PPFIBP2: variants seen among roughly 807,000 people sequenced by gnomAD.
PPFIBP2 encodes the protein PPFIB scaffold protein 2.
PPFIBP2 carries 118 observed loss-of-function variants against 118.3 expected under a neutral mutation model. The ratio of observed to expected loss-of-function variants is 1.00; its 90% CI spans 0.86 to 1.16. The LOEUF is 1.16. Among genes scored for constraint, PPFIBP2 ranks in the 50% most tolerant of loss-of-function variants. The pLI is 0.00. For synonymous variants in PPFIBP2, 414 were observed against 397.4 expected (o/e 1.04, Z -0.50); for missense variants, 1,195 against 1,073.1 (o/e 1.11, Z -1.59).
At chr11:7,540,003 T>C (rs1054571041) in intron 1 of PPFIBP2, among the ~76,000 whole-genome samples, 3 of 100,338 alleles carry the variant, frequency 3.0e-5, no homozygotes, top group African/African-American at 4.7e-5. Context: ...ATGAGGTTCA[T>C]TAATGTTAAA....
At chr11:7,559,764 G>T (rs535782337) in intron 2 of PPFIBP2, among the ~76,000 whole-genome samples, 18 of 152,094 alleles carry the variant, frequency 1.2e-4, no homozygotes, top group African/African-American at 4.3e-4. Flanking sequence ...TTCACTGGAG[G>T]CATTAAAACC....
At chr11:7,666,029 G>A in the PPFIBP2 span, 21 of 897,912 alleles carry the variant, frequency 2.3e-5, no homozygotes, top group African/African-American at 2.9e-4. Context: ...TGCTGTCTGG[G>A]CTGCAGCAGC....
At chr11:7,631,748 G>T (rs1231582142) in intron 11 of PPFIBP2, among the ~76,000 whole-genome samples, 1 of 152,152 alleles carries the variant, frequency 6.6e-6, no homozygotes, top group Non-Finnish European at 1.5e-5. Flanking sequence ...CATCCAGTGA[G>T]CCAGTTATTG....
At chr11:7,590,800 C>G (rs889519359) in intron 3 of PPFIBP2, among the ~76,000 whole-genome samples, 2 of 152,202 alleles carry the variant, frequency 1.3e-5, no homozygotes, top group South Asian at 2.1e-4. Flanking sequence ...CTGAGAACAT[C>G]ACACAAAAGT....
chr11:7,520,332 T>TC (rs1849636869), intron 1 of PPFIBP2, among the ~76,000 whole-genome samples: 1 of 152,094 alleles, frequency 6.6e-6, no homozygotes, highest in Admixed American at 6.5e-5. Flanking sequence ...GGGGTGGGTA[T>TC]TTTCCGGCTG....
In PPFIBP2 at chr11:7,560,879, A is replaced by C. The variant is rs571789533; in HGVS notation, c.65-4674A>C. Among the ~76,000 whole-genome samples the C allele has an allele frequency of 2.0e-5, 3 of 152,356 alleles. No homozygotes were observed. The East Asian group carries it at 5.8e-4, about 29-fold the overall frequency. Reference sequence around the variant, plus strand: ...ATCATTTTTAAATGTTCTATTTACCAATGCAAAAACATTTTCTTTCCATAT... The same window carrying C: ...ATCATTTTTAAATGTTCTATTTACCCATGCAAAAACATTTTCTTTCCATAT... On this transcript the variant is annotated intron_variant, in intron 2 of 23. Coordinates refer to ENST00000299492, the MANE Select transcript of PPFIBP2 (RefSeq NM_003621.5).
At chr11:7,639,683 A>T (rs745702489) in intron 14 of PPFIBP2, 49 bp from the exon 15 acceptor site, 1 of 1,611,144 alleles carries the variant, frequency 6.2e-7, no homozygotes, top group South Asian at 1.1e-5. Context: ...TTCCTAACTG[A>T]GGCTGACAGT....
At chr11:7,533,767 C>T (rs1032690386) in intron 1 of PPFIBP2, among the ~76,000 whole-genome samples, 5 of 152,068 alleles carry the variant, frequency 3.3e-5, no homozygotes, top group African/African-American at 7.2e-5. Context: ...TTTCTGTATG[C>T]GAGGGTAGGA....
chr11:7,650,190 G>A (rs1228425335), intron 21 of PPFIBP2, among the ~76,000 whole-genome samples: 2 of 152,210 alleles, frequency 1.3e-5, no homozygotes, highest in East Asian at 1.9e-4. Flanking sequence ...CATGAACTTC[G>A]GAGTTCTTGG....
At chr11:7,528,119 A>G (rs1403619346) in intron 1 of PPFIBP2, among the ~76,000 whole-genome samples, 1 of 152,178 alleles carries the variant, frequency 6.6e-6, no homozygotes, top group African/African-American at 2.4e-5. Flanking sequence ...CTATGTTTAG[A>G]GTCCAGATTA....
chr11:7,663,773 C>T, the PPFIBP2 span, among the ~76,000 whole-genome samples: 5 of 152,158 alleles, frequency 3.3e-5, no homozygotes, highest in African/African-American at 1.2e-4. Flanking sequence ...AGTTTGATCT[C>T]AGACTGCTGT....
chr11:7,663,682 C>T, the PPFIBP2 span, among the ~76,000 whole-genome samples: 3 of 152,236 alleles, frequency 2.0e-5, no homozygotes, highest in African/African-American at 4.8e-5. Flanking sequence ...CCACCCAGTT[C>T]GAGCTTCCCG....
chr11:7,604,536 C>A (rs1847100657), intron 5 of PPFIBP2, among the ~76,000 whole-genome samples: 1 of 150,038 alleles, frequency 6.7e-6, no homozygotes, highest in African/African-American at 2.5e-5. Flanking sequence ...CACACCTACT[C>A]ACCCAGCCAT....
intron 13 of PPFIBP2, 54 bp downstream of exon 13, chr11:7,634,606 C>A: frequency 7.1e-7 from 1 of 1,402,196 alleles, no homozygotes; most frequent in Non-Finnish European, 1.0e-6. Context: ...TTGGGCCTAG[C>A]ATAGTACTGG....
At chr11:7,566,123 A>G (rs7127981) in intron 3 of PPFIBP2, among the ~76,000 whole-genome samples, 29,103 of 151,854 alleles carry the variant, frequency 0.19, 2,827 homozygotes, top group Non-Finnish European at 0.2. Flanking sequence ...CCTCGGCTAG[A>G]TCCCACTACC....
chr11:7,565,880 C>A (rs1854911477), intron 3 of PPFIBP2, 113 bp downstream of exon 3: 4 of 1,210,150 alleles, frequency 3.3e-6, no homozygotes, highest in Admixed American at 2.5e-5. Flanking sequence ...CCAGCCTTTT[C>A]TTCCATCCCA....
chr11:7,615,858 G>T (rs1317133052), intron 6 of PPFIBP2, among the ~76,000 whole-genome samples: 1 of 152,168 alleles, frequency 6.6e-6, no homozygotes, highest in African/African-American at 2.4e-5. Flanking sequence ...TCATAACTCT[G>T]ACAATTTAAA....
rs555191719 is a variant in PPFIBP2 at position 7,568,351 on chromosome 11, C to T, written c.279+2584C>T. The stretch of plus-strand genomic sequence containing the variant: ...TCAAGGGGTGGTTTTTGCTCAGGCA[C>T]ATCCCATAACAGTTGCAAGATGGCC... On this transcript the variant is annotated intron_variant, in intron 3 of 23. Transcript: ENST00000299492. Among the ~76,000 whole-genome samples the T allele has an allele frequency of 2.5e-3, 384 of 152,308 alleles. 3 individuals are homozygous for T. Among genetic ancestry groups the T allele is most frequent in the Admixed American group, 4.1e-3 (63 of 15,306 alleles).
intron 1 of PPFIBP2, among the ~76,000 whole-genome samples, chr11:7,544,319 T>C (rs1342306877): frequency 1.3e-5 from 2 of 152,170 alleles, no homozygotes; most frequent in East Asian, 1.9e-4. Flanking sequence ...TGTCTCTGTA[T>C]TGTGTGTGCT....
Sources: allele counts gnomAD v4.1 joint callset (sites outside exome capture counted in the v4.1 genomes callset), GRCh38; gene constraint gnomAD v4.1.1; transcripts MANE v1.5; gene names NCBI Gene and HGNC (gene_info 2026-07-23, HGNC 2026-07-21).